Variants in ZNF385D observed in about 807,000 individuals in gnomAD.
The protein encoded by ZNF385D is zinc finger protein 659.
In ZNF385D, 15 loss-of-function variants were observed where a neutral mutation model predicts 35.8. The ratio of observed to expected loss-of-function variants is 0.42; its 90% CI spans 0.28 to 0.64. The LOEUF (loss-of-function observed/expected upper bound fraction) is 0.64. ZNF385D is among the 30% of genes least tolerant of loss of function. The pLI is 0.23. For synonymous variants in ZNF385D, 212 were observed against 186.8 expected (o/e 1.13, Z -1.10); for missense variants, 474 against 494.6 (o/e 0.96, Z 0.39).
At position 22,194,980 on chromosome 3, in the gene ZNF385D, T is replaced by C. The variant is rs933009100; in HGVS notation, c.107-25945A>G. The stretch of plus-strand genomic sequence containing the variant: ...TTTTGTGAATTTAAGTTTTTATTTA[T>C]CTAGAATAAATACCAAGGGCAATAT... On this transcript the variant is annotated intron_variant, in intron 2 of 5. Coordinates refer to the ZNF385D transcript ENST00000494108. Among the ~76,000 whole-genome samples the C allele has an allele frequency of 2.6e-5, 4 of 151,926 alleles. No homozygotes were observed. In the South Asian group the frequency reaches 6.2e-4, roughly 24 times the overall value.
intron 3 of ZNF385D, among the ~76,000 whole-genome samples, chr3:21,917,275 T>C (rs1700235876): frequency 6.6e-6 from 1 of 152,002 alleles, no homozygotes; most frequent in South Asian, 2.1e-4. Context: ...CTGCTAAAAA[T>C]ACAGAAATTA....
intron 1 of ZNF385D, among the ~76,000 whole-genome samples, chr3:21,698,788 G>A (rs559936501): frequency 7.9e-5 from 12 of 152,056 alleles, no homozygotes; most frequent in South Asian, 2.1e-4. Context: ...AAACCACAAC[G>A]AGATACCATC....
rs532202028 is a variant in ZNF385D at position 22,255,281 on chromosome 3, A to C, written c.107-86246T>G. On this transcript the variant is annotated intron_variant, in intron 2 of 5. Transcript: ENST00000494108. ...TTTGTTATCATGTATTCCCCCCCCCAAAATTGTGTCCTAAAATATGCTTTT... is the reference window on the plus strand; with the variant it reads ...TTTGTTATCATGTATTCCCCCCCCCCAAATTGTGTCCTAAAATATGCTTTT... Among the ~76,000 whole-genome samples, 11 of 142,288 alleles carry C rather than the reference A, an allele frequency of 7.7e-5. No individual in the cohort carries two copies. In the East Asian group the frequency reaches 8.5e-4, roughly 11 times the overall value. The allele number at this position is 142,288 out of a possible 152,430, so 93.3% of individuals were successfully genotyped here. A position where few individuals can be genotyped will look rare whatever the true frequency, so the allele number is the denominator to read the frequency against.
At chr3:22,251,737 T>C (rs955953736) in intron 2 of ZNF385D, among the ~76,000 whole-genome samples, 5 of 151,964 alleles carry the variant, frequency 3.3e-5, no homozygotes, top group Non-Finnish European at 5.9e-5. Flanking sequence ...TACCATTGCC[T>C]TAGACCTACC....
chr3:21,845,350 C>G (rs1360329212), intron 3 of ZNF385D, among the ~76,000 whole-genome samples: 1 of 151,956 alleles, frequency 6.6e-6, no homozygotes, highest in Non-Finnish European at 1.5e-5. Flanking sequence ...GTAGCATAAA[C>G]TCAGGCATAA....
At chr3:21,621,554 C>CTTGTGTGT (rs367680613) in intron 2 of ZNF385D, among the ~76,000 whole-genome samples, 1 of 136,904 alleles carries the variant, frequency 7.3e-6, no homozygotes, top group African/African-American at 2.7e-5. Flanking sequence ...AAAAAATTCC[C>CTTGTGTGT]GTGTGTGTGT....
intron 2 of ZNF385D, among the ~76,000 whole-genome samples, chr3:21,617,477 T>C (rs2064880323): frequency 6.6e-6 from 1 of 152,164 alleles, no homozygotes; most frequent in African/African-American, 2.4e-5. Context: ...CATTACAGAG[T>C]GCTCCCGTGG....
intron 3 of ZNF385D, among the ~76,000 whole-genome samples, chr3:21,909,244 C>G (rs984600745): frequency 1.3e-5 from 2 of 152,026 alleles, no homozygotes; most frequent in African/African-American, 4.8e-5. Context: ...ATTTTTGGAA[C>G]CAGTTGACAG....
chr3:22,359,148 G>A (rs73822154), intron 2 of ZNF385D, among the ~76,000 whole-genome samples: 2,666 of 150,338 alleles, frequency 0.018, 71 homozygotes, highest in African/African-American at 0.06. Context: ...CTTAATTACT[G>A]GGAACAAAAT....
intron 1 of ZNF385D, among the ~76,000 whole-genome samples, chr3:21,726,724 A>G (rs1047550272): frequency 2.0e-4 from 31 of 152,194 alleles, no homozygotes; most frequent in African/African-American, 5.8e-4. Context: ...AAGAACCAAT[A>G]TCGTGAAAAT....
chr3:21,647,061 T>G (rs1193797273), intron 2 of ZNF385D, among the ~76,000 whole-genome samples: 4 of 152,286 alleles, frequency 2.6e-5, no homozygotes, highest in Middle Eastern at 6.8e-3. Context: ...TATGGACAGA[T>G]TTAGGATTTT....
At chr3:21,880,733 C>G (rs75383514) in intron 3 of ZNF385D, among the ~76,000 whole-genome samples, 1 of 151,906 alleles carries the variant, frequency 6.6e-6, no homozygotes, top group Non-Finnish European at 1.5e-5. Flanking sequence ...AAAGCTGATA[C>G]AGACTGAAAG....
intron 2 of ZNF385D, among the ~76,000 whole-genome samples, chr3:21,657,677 T>A (rs1163164545): frequency 1.3e-5 from 2 of 150,198 alleles, no homozygotes; most frequent in South Asian, 4.2e-4. Flanking sequence ...ATCTACCGCT[T>A]CTGTCTAAGA....
intron 5 of ZNF385D, among the ~76,000 whole-genome samples, chr3:21,428,634 C>G (rs80270134): frequency 6.6e-6 from 1 of 151,918 alleles, no homozygotes; most frequent in Admixed American, 6.6e-5. Context: ...TGACACTTTG[C>G]GAAGATATGG....
chr3:22,242,688 G>C (rs1489546884), intron 2 of ZNF385D, among the ~76,000 whole-genome samples: 1 of 150,856 alleles, frequency 6.6e-6, no homozygotes, highest in East Asian at 1.9e-4. Context: ...CTGCATCCTG[G>C]AACATTAACA....
At chr3:22,268,475 T>G (rs375373719) in intron 2 of ZNF385D, among the ~76,000 whole-genome samples, 21 of 152,146 alleles carry the variant, frequency 1.4e-4, no homozygotes, top group East Asian at 7.8e-4. Context: ...AAGAGCCAAA[T>G]AATAAATCTG....
chr3:22,333,183 A>G (rs1695015318), intron 2 of ZNF385D, among the ~76,000 whole-genome samples: 1 of 152,118 alleles, frequency 6.6e-6, no homozygotes, highest in South Asian at 2.1e-4. Context: ...TGTAATTCAA[A>G]TCATTGACCC....
intron 3 of ZNF385D, among the ~76,000 whole-genome samples, chr3:21,951,864 A>C (rs1417096344): frequency 6.6e-6 from 1 of 151,788 alleles, no homozygotes; most frequent in Non-Finnish European, 1.5e-5. Context: ...AAAAGAATAG[A>C]AAGAAAAACT....
intron 3 of ZNF385D, among the ~76,000 whole-genome samples, chr3:21,924,928 G>C (rs1700649255): frequency 6.6e-6 from 1 of 152,120 alleles, no homozygotes; most frequent in South Asian, 2.1e-4. Flanking sequence ...AGTAGTGTCA[G>C]AGGAAGCCAG....
Sources: gnomAD v4.1 joint callset for allele counts (sites outside exome capture counted in the v4.1 genomes callset) on GRCh38, gnomAD v4.1.1 for gene constraint, MANE v1.5 for transcripts, NCBI Gene and HGNC (gene_info 2026-07-23, HGNC 2026-07-21) for gene names.